Variants in ASH1L observed in about 807,000 individuals in gnomAD.
The protein encoded by ASH1L is ASH1 like histone lysine methyltransferase, also known as histone-lysine N-methyltransferase ASH1L.
In ASH1L, 23 loss-of-function variants were observed where a neutral mutation model predicts 269.0. That is an observed-to-expected ratio of 0.09 (90% CI 0.06 to 0.12). ASH1L has a LOEUF of 0.12. ASH1L is among the 10% of genes least tolerant of loss of function. The pLI is 1.00. For missense variants in ASH1L, 2,912 were observed against 3,567.8 expected (o/e 0.82, Z 4.68); for synonymous variants, 1,187 against 1,253.5 (o/e 0.95, Z 1.12).
intron 1 of ASH1L, among the ~76,000 whole-genome samples, chr1:155,547,741 G>A (rs563162944): frequency 2.6e-5 from 4 of 151,782 alleles, no homozygotes; most frequent in Non-Finnish European, 4.4e-5. Flanking sequence ...AAAAGGCCAG[G>A]CACAGTGGCT....
chr1:155,398,845 C>T (rs534839682), intron 6 of ASH1L, among the ~76,000 whole-genome samples: 1 of 151,980 alleles, frequency 6.6e-6, no homozygotes, highest in Non-Finnish European at 1.5e-5. Context: ...CCTTGCCCTC[C>T]GAGTAGCTGG....
Position 155,339,342 on chromosome 1 carries a change from C to T in ASH1L, c.8487G>A (p.Lys2829=). The part of the protein sequence containing the change: ...FSPHYVPDNY[K]RNGGRSSWKS... ...ATGGGACTTACCGTCCTCCATTCCT[C>T]TTGTAGTTGTCTGGGACGTAATGAG... Residue 2829 remains lysine, a synonymous_variant, in exon 26 of 28, where the codon AAG becomes AAA. Coordinates refer to ENST00000392403, the MANE Select transcript of ASH1L (RefSeq NM_018489.3). The T allele has an allele frequency of 6.2e-7, 1 of 1,613,728 alleles. No homozygotes were observed. The highest frequency in any genetic ancestry group is 1.7e-5 in the Admixed American group (1 of 60,014).
At chr1:155,375,812 A>G (rs1003663243) in intron 10 of ASH1L, among the ~76,000 whole-genome samples, 2 of 151,266 alleles carry the variant, frequency 1.3e-5, no homozygotes, top group Non-Finnish European at 2.9e-5. Flanking sequence ...AAAAAAAAAG[A>G]AAAATGAGAC....
At position 155,481,780 on chromosome 1, in the gene ASH1L, C is replaced by T; in HGVS notation, c.1090G>A (p.Val364Met). The part of the protein sequence containing the change: ...ESGKKLGLGT[V>M]VGLVNKDLGK... The stretch of plus-strand genomic sequence containing the variant: ...AAATCTTTATTAACCAGTCCAACCA[C>T]AGTGCCAAGTCCTAACTTCTTGCCA... Residue 364 changes from valine to methionine, a missense_variant, in exon 3 of 28, where the codon GTG becomes ATG. Transcript: ENST00000392403. 1 of 1,614,240 alleles carries T rather than the reference C, an allele frequency of 6.2e-7. No homozygotes were observed. Among genetic ancestry groups the T allele is most frequent in the Non-Finnish European group, 8.5e-7 (1 of 1,180,032 alleles).
chr1:155,435,068 G>A (rs1661977340), intron 5 of ASH1L, among the ~76,000 whole-genome samples: 1 of 152,102 alleles, frequency 6.6e-6, no homozygotes. Flanking sequence ...TGAGGCATGA[G>A]AATCACTTGA....
chr1:155,365,841 T>A (rs1220889051), intron 12 of ASH1L, among the ~76,000 whole-genome samples: 1 of 152,120 alleles, frequency 6.6e-6, no homozygotes, highest in East Asian at 1.9e-4. Context: ...TTCTGACTGA[T>A]CTCTTCTCTA....
intron 1 of ASH1L, among the ~76,000 whole-genome samples, chr1:155,559,422 C>A (rs377493835): frequency 1.3e-5 from 2 of 151,604 alleles, no homozygotes; most frequent in East Asian, 3.9e-4. Flanking sequence ...GTAATCCCAG[C>A]TACTCGGGAG....
At chr1:155,448,374 G>A (rs911239033) in intron 4 of ASH1L, among the ~76,000 whole-genome samples, 1 of 151,610 alleles carries the variant, frequency 6.6e-6, no homozygotes, top group African/African-American at 2.4e-5. Context: ...TTGTTGTATT[G>A]AGATGGGTCT....
intron 1 of ASH1L, among the ~76,000 whole-genome samples, chr1:155,534,861 A>G (rs1178652866): frequency 6.6e-6 from 1 of 152,220 alleles, no homozygotes; most frequent in Non-Finnish European, 1.5e-5. Flanking sequence ...GCCATGTTAT[A>G]GATTAAACAA....
intron 1 of ASH1L, among the ~76,000 whole-genome samples, chr1:155,558,537 T>C (rs1364335605): frequency 1.3e-5 from 2 of 152,142 alleles, no homozygotes; most frequent in Non-Finnish European, 2.9e-5. Context: ...GAGTAGAACA[T>C]GAAAATCCTT....
At chr1:155,460,480 T>C (rs1233332918) in intron 3 of ASH1L, among the ~76,000 whole-genome samples, 1 of 151,724 alleles carries the variant, frequency 6.6e-6, no homozygotes, top group Non-Finnish European at 1.5e-5. Flanking sequence ...TGGTGGCACA[T>C]GCCTGTAATC....
At position 155,562,599 on chromosome 1, in the gene ASH1L, C is replaced by G; in HGVS notation, c.-546G>C. On this transcript the variant is annotated 5_prime_UTR_variant, in exon 1 of 28. Transcript: ENST00000392403. ...ACTCCGTCCGCGTAGCGCGCACGCCCGCCCGCACGCGTACGAGTGTCTACG... is the reference window on the plus strand; with the variant it reads ...ACTCCGTCCGCGTAGCGCGCACGCCGGCCCGCACGCGTACGAGTGTCTACG... 6.5e-7 allele frequency: 1 copy of G among 1,528,410 alleles called. No homozygotes were observed. Among genetic ancestry groups the G allele is most frequent in the Non-Finnish European group, 8.8e-7 (1 of 1,141,738 alleles). 94.7% of individuals were successfully genotyped at this position (1,528,410 alleles called of 1,614,324 possible). A position where few individuals can be genotyped will look rare whatever the true frequency, so the allele number is the denominator to read the frequency against.
chr1:155,459,189 T>C (rs1301341118), intron 4 of ASH1L, among the ~76,000 whole-genome samples: 3 of 151,996 alleles, frequency 2.0e-5, no homozygotes, highest in African/African-American at 7.2e-5. Context: ...AAATTACTAG[T>C]TTACTAAACA....
intron 4 of ASH1L, among the ~76,000 whole-genome samples, chr1:155,456,099 C>T (rs1264893312): frequency 6.6e-6 from 1 of 152,138 alleles, no homozygotes; most frequent in Non-Finnish European, 1.5e-5. Flanking sequence ...TGTCAAGCAG[C>T]TCTAATGCTC....
At chr1:155,414,387 G>A (rs1324349181) in intron 6 of ASH1L, among the ~76,000 whole-genome samples, 1 of 151,806 alleles carries the variant, frequency 6.6e-6, no homozygotes, top group Non-Finnish European at 1.5e-5. Context: ...TCGGCTCACT[G>A]CAACCTCCGC....
intron 6 of ASH1L, among the ~76,000 whole-genome samples, chr1:155,400,179 C>T (rs12025722): frequency 6.6e-6 from 1 of 151,928 alleles, no homozygotes; most frequent in Non-Finnish European, 1.5e-5. Flanking sequence ...AACCCCGTCT[C>T]TACTAAAATT....
chr1:155,434,021 C>G (rs778563637), intron 5 of ASH1L: 2 of 1,589,866 alleles, frequency 1.3e-6, no homozygotes, highest in Non-Finnish European at 1.7e-6. Context: ...GTTCTGTAAC[C>G]GGTGCCAGAA....
At chr1:155,549,411 G>T (rs1336912106) in intron 1 of ASH1L, among the ~76,000 whole-genome samples, 1 of 152,132 alleles carries the variant, frequency 6.6e-6, no homozygotes, top group Non-Finnish European at 1.5e-5. Flanking sequence ...TCCAAGGCGG[G>T]TGGATCACCT....
intron 6 of ASH1L, among the ~76,000 whole-genome samples, chr1:155,401,612 T>C (rs1012260193): frequency 1.1e-4 from 17 of 149,780 alleles, no homozygotes; most frequent in African/African-American, 4.2e-4. Flanking sequence ...CATGGTGATA[T>C]CTTGTCTCTA....
Sources: gnomAD v4.1 joint callset for allele counts (sites outside exome capture counted in the v4.1 genomes callset) on GRCh38, gnomAD v4.1.1 for gene constraint, MANE v1.5 for transcripts, NCBI Gene and HGNC (gene_info 2026-07-23, HGNC 2026-07-21) for gene names.